RIT2: variants seen among roughly 807,000 people sequenced by gnomAD.
The protein encoded by RIT2 is GTP-binding protein Rit2.
RIT2 carries 24 observed loss-of-function variants against 23.7 expected under a neutral mutation model. That is an observed-to-expected ratio of 1.01 (90% confidence interval 0.73 to 1.43). The LOEUF is 1.43. Ranked by LOEUF, RIT2 falls within the 40% of genes most tolerant of loss-of-function variation. The pLI is 0.00. For missense variants in RIT2, 236 were observed against 266.9 expected (o/e 0.88, Z 0.81); for synonymous variants, 107 against 91.1 (o/e 1.17, Z -0.99).
At chr18:43,111,001 T>A (rs908999890) in intron 1 of RIT2, among the ~76,000 whole-genome samples, 210 of 152,274 alleles carry the variant, frequency 1.4e-3, no homozygotes, top group African/African-American at 4.9e-3. Flanking sequence ...TAAAATCTAC[T>A]AATTTATGCA....
chr18:42,795,578 G>A (rs1034587497), intron 4 of RIT2, among the ~76,000 whole-genome samples: 3 of 152,212 alleles, frequency 2.0e-5, no homozygotes, highest in African/African-American at 4.8e-5. Flanking sequence ...GCTCCACGGC[G>A]CCCAGTCCCA....
At chr18:42,962,640 G>A (rs966859459) in intron 3 of RIT2, among the ~76,000 whole-genome samples, 1 of 152,172 alleles carries the variant, frequency 6.6e-6, no homozygotes, top group African/African-American at 2.4e-5. Flanking sequence ...TGGCTTAGGA[G>A]CCTGGCAGGA....
At chr18:42,871,032 C>G (rs983492571) in intron 4 of RIT2, among the ~76,000 whole-genome samples, 1 of 152,122 alleles carries the variant, frequency 6.6e-6, no homozygotes, top group Admixed American at 6.5e-5. Flanking sequence ...GACTTGTGGT[C>G]TATGTTCTGA....
At chr18:43,033,564 G>A (rs1206151916) in intron 2 of RIT2, among the ~76,000 whole-genome samples, 1 of 152,010 alleles carries the variant, frequency 6.6e-6, no homozygotes, top group African/African-American at 2.4e-5. Context: ...ATCACTTAAT[G>A]GATTCCAACC....
intron 4 of RIT2, among the ~76,000 whole-genome samples, chr18:42,872,271 G>T (rs533574574): frequency 6.6e-6 from 1 of 152,142 alleles, no homozygotes; most frequent in Non-Finnish European, 1.5e-5. Context: ...ACTAAATTCA[G>T]ATATGTCTTG....
chr18:42,821,168 T>C (rs188748564), intron 4 of RIT2, among the ~76,000 whole-genome samples: 1 of 152,242 alleles, frequency 6.6e-6, no homozygotes, highest in East Asian at 1.9e-4. Flanking sequence ...TCTCAGATAT[T>C]CTTTTATAGC....
chr18:43,075,173 G>T (rs747117465), intron 1 of RIT2, among the ~76,000 whole-genome samples: 117 of 152,116 alleles, frequency 7.7e-4, no homozygotes, highest in Non-Finnish European at 1.4e-3. Flanking sequence ...ACCCTGCTTT[G>T]ATTTCATGCT....
chr18:43,096,868 A>C (rs1281612241), intron 1 of RIT2, among the ~76,000 whole-genome samples: 1 of 151,918 alleles, frequency 6.6e-6, no homozygotes, highest in Non-Finnish European at 1.5e-5. Context: ...TTCTTGAATA[A>C]GTAAATTTTG....
chr18:42,822,468 G>A (rs1163926666), intron 4 of RIT2, among the ~76,000 whole-genome samples: 1 of 152,102 alleles, frequency 6.6e-6, no homozygotes, highest in Non-Finnish European at 1.5e-5. Context: ...GGTCTCTTTA[G>A]ATTTTATACT....
intron 2 of RIT2, among the ~76,000 whole-genome samples, chr18:43,030,298 T>C (rs1039359234): frequency 2.6e-5 from 4 of 152,034 alleles, no homozygotes. Context: ...GAGAAAACTA[T>C]GAGTGAATGA....
chr18:42,863,852 G>T (rs1363731904), intron 4 of RIT2, among the ~76,000 whole-genome samples: 1 of 152,120 alleles, frequency 6.6e-6, no homozygotes, highest in African/African-American at 2.4e-5. Flanking sequence ...AGCAAAGGGT[G>T]TGTATTTCAA....
intron 4 of RIT2, among the ~76,000 whole-genome samples, chr18:42,880,623 G>A (rs1362574992): frequency 1.3e-5 from 2 of 151,876 alleles, no homozygotes; most frequent in Non-Finnish European, 2.9e-5. Context: ...ATTCCTTAGA[G>A]TTTCCTGTCT....
intron 2 of RIT2, among the ~76,000 whole-genome samples, chr18:43,013,335 G>A (rs2144256785): frequency 1.3e-5 from 2 of 151,798 alleles, no homozygotes; most frequent in East Asian, 3.9e-4. Context: ...TTGCATGTAA[G>A]TAATGAATAT....
chr18:43,064,743 C>A (rs146103356), intron 1 of RIT2, among the ~76,000 whole-genome samples: 92 of 152,166 alleles, frequency 6.0e-4, no homozygotes, highest in African/African-American at 1.9e-3. Context: ...AGGTGACTGG[C>A]CAGACATCAC....
chr18:42,859,848 C>A (rs1002374416), intron 4 of RIT2, among the ~76,000 whole-genome samples: 1 of 151,808 alleles, frequency 6.6e-6, no homozygotes, highest in South Asian at 2.1e-4. Context: ...CTGCTCACTG[C>A]GACCTCCACC....
intron 2 of RIT2, among the ~76,000 whole-genome samples, chr18:42,999,413 T>C (rs1291922343): frequency 1.3e-5 from 2 of 152,032 alleles, no homozygotes; most frequent in Admixed American, 6.6e-5. Context: ...TACCTGGAAG[T>C]GTGAAAAGTG....
chr18:42,759,461 CTTT>C (rs1021261548), intron 4 of RIT2, among the ~76,000 whole-genome samples: 2 of 151,988 alleles, frequency 1.3e-5, no homozygotes, highest in Admixed American at 1.3e-4. Context: ...AAACCCAGGA[CTTT>C]TTATTACCCT....
chr18:43,095,923 C>T (rs991769924), intron 1 of RIT2, among the ~76,000 whole-genome samples: 8 of 151,914 alleles, frequency 5.3e-5, no homozygotes, highest in Non-Finnish European at 1.0e-4. Context: ...ACTCAGCTCG[C>T]TACTGAAAGA....
chr18:42,975,046 C>T (rs569156457), intron 2 of RIT2, among the ~76,000 whole-genome samples: 4 of 152,068 alleles, frequency 2.6e-5, no homozygotes, highest in Non-Finnish European at 5.9e-5. Context: ...ACACCACTTT[C>T]CACAATGGCT....
Sources: allele counts gnomAD v4.1 joint callset (sites outside exome capture counted in the v4.1 genomes callset), GRCh38; gene constraint gnomAD v4.1.1; transcripts MANE v1.5; gene names NCBI Gene and HGNC (gene_info 2026-07-23, HGNC 2026-07-21).